Variants in RAD18 observed in about 807,000 individuals in gnomAD.
RAD18 encodes the protein RAD18 E3 ubiquitin protein ligase.
RAD18 carries 47 observed loss-of-function variants against 60.4 expected under a neutral mutation model. The observed-to-expected ratio is 0.78, with a 90% CI of 0.62 to 0.99. RAD18 has a LOEUF of 0.99. Ranked by LOEUF, RAD18 falls within the 50% of genes least tolerant of loss-of-function variation. RAD18 has a pLI of 0.00. For missense variants in RAD18, 640 were observed against 593.3 expected, an observed-to-expected ratio of 1.08 and a Z score of -0.82; for synonymous variants, 225 against 195.5, an observed-to-expected ratio of 1.15 and a Z score of -1.26.
At chr3:8,942,253 G>C (rs1202192078) in intron 4 of RAD18, among the ~76,000 whole-genome samples, 1 of 152,136 alleles carries the variant, frequency 6.6e-6, no homozygotes, top group Non-Finnish European at 1.5e-5. Flanking sequence ...TTGTAACAGT[G>C]AGTGAGTTCT....
chr3:8,916,513 C>T (rs1940202508), intron 7 of RAD18, among the ~76,000 whole-genome samples: 1 of 152,120 alleles, frequency 6.6e-6, no homozygotes, highest in African/African-American at 2.4e-5. Flanking sequence ...CTTACCTACA[C>T]TGTCTGGCTT....
intron 2 of RAD18, among the ~76,000 whole-genome samples, chr3:8,949,443 G>A (rs1940893385): frequency 6.6e-6 from 1 of 152,122 alleles, no homozygotes; most frequent in East Asian, 1.9e-4. Flanking sequence ...CACCCCAGGA[G>A]GAAAAACAAA....
At position 8,958,912 on chromosome 3, in the gene RAD18, ATACT is replaced by A. The variant is rs1559804165; in HGVS notation, c.133+4_133+7del. On this transcript the variant is annotated splice_donor_5th_base_variant and intron_variant, in intron 2 of 12. Coordinates refer to ENST00000264926, the MANE Select transcript of RAD18 (RefSeq NM_020165.4). ...ATTTACTAACTCACAGGAACAAAAC[ATACT>A]TACAGTTATGTGAACACTGAGGTAT... is the stretch of plus-strand genomic sequence containing the variant. 1.2e-6 allele frequency: 2 copies of A among 1,607,834 alleles called. No individual in the cohort carries two copies. Among genetic ancestry groups the A allele is most frequent in the Non-Finnish European group, 1.7e-6 (2 of 1,174,896 alleles).
intron 2 of RAD18, among the ~76,000 whole-genome samples, chr3:8,955,763 A>C (rs1241413068): frequency 6.6e-6 from 1 of 152,148 alleles, no homozygotes; most frequent in Non-Finnish European, 1.5e-5. Flanking sequence ...ATTTATAATC[A>C]CAAGTCCAGG....
At chr3:8,919,588 G>GTA (rs1318342533) in intron 7 of RAD18, among the ~76,000 whole-genome samples, 1 of 152,160 alleles carries the variant, frequency 6.6e-6, no homozygotes, top group African/African-American at 2.4e-5. Context: ...GCATGTGTAT[G>GTA]TATATATGTA....
intron 7 of RAD18, among the ~76,000 whole-genome samples, chr3:8,914,458 A>G (rs1209792615): frequency 6.6e-6 from 1 of 152,238 alleles, no homozygotes; most frequent in South Asian, 2.1e-4. Flanking sequence ...AGACAGTGTG[A>G]TAATTGTTTA....
At chr3:8,899,579 T>C (rs1939866598) in intron 10 of RAD18, among the ~76,000 whole-genome samples, 1 of 152,228 alleles carries the variant, frequency 6.6e-6, no homozygotes, top group African/African-American at 2.4e-5. Flanking sequence ...TTTGATCCAA[T>C]ACACATCACA....
intron 8 of RAD18, among the ~76,000 whole-genome samples, chr3:8,912,958 TC>T (rs1166190645): frequency 1.3e-5 from 2 of 152,196 alleles, no homozygotes; most frequent in Non-Finnish European, 2.9e-5. Context: ...CCCATTTTTT[TC>T]CTACTTATTT....
chr3:8,960,662 G>A (rs895987466), intron 1 of RAD18, among the ~76,000 whole-genome samples: 1 of 152,148 alleles, frequency 6.6e-6, no homozygotes, highest in Non-Finnish European at 1.5e-5. Context: ...GCAATCTTAT[G>A]AAGTCCACAG....
At chr3:8,923,565 G>A (rs1398982329) in intron 7 of RAD18, among the ~76,000 whole-genome samples, 2 of 151,828 alleles carry the variant, frequency 1.3e-5, no homozygotes, top group African/African-American at 2.4e-5. Context: ...TACAGAGAAC[G>A]CCACAGAGAT....
At chr3:8,923,142 T>C (rs1051604319) in intron 7 of RAD18, among the ~76,000 whole-genome samples, 1 of 152,056 alleles carries the variant, frequency 6.6e-6, no homozygotes, top group Non-Finnish European at 1.5e-5. Context: ...TTCAAACCCA[T>C]GGCAAAGAAG....
At chr3:8,903,823 CA>C (rs1939956385) in intron 9 of RAD18, among the ~76,000 whole-genome samples, 1 of 152,164 alleles carries the variant, frequency 6.6e-6, no homozygotes, top group East Asian at 1.9e-4. Flanking sequence ...ACACTGTTTT[CA>C]TACAAAAATC....
At chr3:8,956,221 T>C (rs185498788) in intron 2 of RAD18, among the ~76,000 whole-genome samples, 5 of 152,326 alleles carry the variant, frequency 3.3e-5, no homozygotes, top group Non-Finnish European at 7.4e-5. Context: ...CATATCCGAA[T>C]TGCCAGCATC....
At chr3:8,917,999 A>G (rs1337827882) in intron 7 of RAD18, among the ~76,000 whole-genome samples, 1 of 152,200 alleles carries the variant, frequency 6.6e-6, no homozygotes, top group Non-Finnish European at 1.5e-5. Flanking sequence ...AGGCTCCAGA[A>G]CAATGAATGT....
Position 8,941,646 on chromosome 3 carries a change from C to A in RAD18, c.425G>T (p.Ser142Ile), listed in dbSNP as rs1404508363. 4 of 1,614,036 alleles carry A rather than the reference C, an allele frequency of 2.5e-6. No individual in the cohort carries two copies. The highest frequency in any genetic ancestry group is 3.4e-6 in the Non-Finnish European group (4 of 1,180,022). The change falls in exon 5 of 13, where the codon AGT becomes ATT. Residue 142 changes from serine to isoleucine, a missense_variant. Ser to Ile is a moderately radical substitution (Grantham distance 142, BLOSUM62 -2). Coordinates refer to ENST00000264926, the MANE Select transcript of RAD18 (RefSeq NM_020165.4). ...TATCAACAACTCTGATGTAGAACCA[C>A]TCATTTCTCTGATCAAGAAATTATC... Reference protein sequence around the residue: ...LMDNFLIREMSGSTSELLIKE... With the variant: ...LMDNFLIREMIGSTSELLIKE...
chr3:8,888,693 T>C (rs1448872345), intron 12 of RAD18, among the ~76,000 whole-genome samples: 1 of 152,222 alleles, frequency 6.6e-6, no homozygotes, highest in Non-Finnish European at 1.5e-5. Flanking sequence ...ATCCTGGAGG[T>C]ATCACTAACT....
intron 7 of RAD18, among the ~76,000 whole-genome samples, chr3:8,929,964 C>T (rs1442428482): frequency 2.0e-5 from 3 of 152,162 alleles, no homozygotes; most frequent in African/African-American, 7.2e-5. Flanking sequence ...AACTCTTATA[C>T]ACTGCTAGTA....
chr3:8,922,284 G>T (rs1465487842), intron 7 of RAD18, among the ~76,000 whole-genome samples: 1 of 152,254 alleles, frequency 6.6e-6, no homozygotes, highest in South Asian at 2.1e-4. Context: ...CGCACCAGGA[G>T]ATTATATCCC....
rs776312344 is a variant in RAD18 at position 8,963,389 on chromosome 3, C to T, written c.-4G>A. 1.9e-6 allele frequency: 3 copies of T among 1,601,422 alleles called. No homozygotes were observed. Among genetic ancestry groups the T allele is most frequent in the Non-Finnish European group, 2.6e-6 (3 of 1,173,848 alleles). On this transcript the variant is annotated 5_prime_UTR_variant, in exon 1 of 13. Coordinates refer to ENST00000264926, the MANE Select transcript of RAD18 (RefSeq NM_020165.4). ...GAGACTCGGCCAGGGAGTCCATGGT[C>T]GCTCCCGAGGATGCTGGGGGTCAGC...
Sources: gnomAD v4.1 joint callset for allele counts (sites outside exome capture counted in the v4.1 genomes callset) on GRCh38, gnomAD v4.1.1 for gene constraint, MANE v1.5 for transcripts, NCBI Gene and HGNC (gene_info 2026-07-23, HGNC 2026-07-21) for gene names.